ATP4A: variants seen among roughly 807,000 people sequenced by gnomAD.
ATP4A encodes the protein potassium-transporting ATPase alpha chain 1.
A neutral mutation model predicts 112.1 loss-of-function variants in ATP4A; 73 were observed. That is an observed-to-expected ratio of 0.65 (90% confidence interval 0.54 to 0.79). The LOEUF is 0.79. Ranked by LOEUF, ATP4A falls within the 30% of genes least tolerant of loss-of-function variation. The probability of loss-of-function intolerance (pLI) is 0.00; values close to 1 mark genes in which losing one functional copy is unlikely to be tolerated. For missense variants in ATP4A, 1,081 were observed against 1,425.9 expected (o/e 0.76, Z 3.90); for synonymous variants, 588 against 588.9 (o/e 1.00, Z 0.02).
Position 35,560,879 on chromosome 19 carries a change from G to T in ATP4A, c.474C>A (p.Gly158=). 1 of 1,614,040 alleles carries T rather than the reference G, an allele frequency of 6.2e-7. No homozygotes were observed. The highest frequency in any genetic ancestry group is 1.1e-5 in the South Asian group (1 of 91,072). Residue 158 remains glycine, a synonymous_variant, in exon 5 of 22, where the codon GGC becomes GGA. Coordinates refer to ENST00000262623, the MANE Select transcript of ATP4A (RefSeq NM_000704.3). The surrounding 1 kb of genome is among the most constrained non-coding windows in gnomAD (Gnocchi z 5.1). ...IAVVVVTGCF[G]YYQEFKSTNI... ...TGGTGCTCTTGAATTCCTGGTAGTA[G>T]CCAAAGCAGCCGGTGACGACAACCA...
Position 35,551,726 on chromosome 19 carries a change from A to C in ATP4A, c.2752-146T>G. The C allele has an allele frequency of 9.0e-7, 1 of 1,111,958 alleles. No homozygotes were observed. The allele number at this position is 1,111,958 out of a possible 1,614,324, so 68.9% of individuals were successfully genotyped here. A position where few individuals can be genotyped will look rare whatever the true frequency, so the allele number is the denominator to read the frequency against. ...GCATCAGAGTGTGGGGGTGGGGGGA[A>C]GGAGAGAGGCAGGGTCTGCCAGGTG... On this transcript the variant is annotated intron_variant, in intron 18 of 21. Coordinates refer to ENST00000262623, the MANE Select transcript of ATP4A (RefSeq NM_000704.3). The surrounding 1 kb of genome is among the most constrained non-coding windows in gnomAD (Gnocchi z 5.2).
chr19:35,553,650 G>C lies in ATP4A; in HGVS notation c.2605+56C>G, dbSNP rs890776266. 2.9e-5 allele frequency: 46 copies of C among 1,592,766 alleles called. No individual in the cohort carries two copies. In the African/African-American group the frequency reaches 5.6e-4, roughly 20 times the overall value. ...GCCCAAGGCAGGGCCTGGGGCAGGCGAGCAGCCCAGCGCAGAGCCCCCCAC... is the reference window on the plus strand; with the variant it reads ...GCCCAAGGCAGGGCCTGGGGCAGGCCAGCAGCCCAGCGCAGAGCCCCCCAC... On this transcript the variant is annotated intron_variant, in intron 17 of 21. Transcript: ENST00000262623.
rs372209900 is a variant in ATP4A at position 35,554,946 on chromosome 19, G to A, written c.2457C>T (p.Leu819=). 6.2e-7 allele frequency: 1 copy of A among 1,614,080 alleles called. No homozygotes were observed. Among genetic ancestry groups the A allele is most frequent in the East Asian group, 2.2e-5 (1 of 44,900 alleles). Reference sequence around the variant, plus strand: ...CAATGTCAGTGCAGAGTTCGATGAAGAGGATGGTGATGCACCCGAGGGGCA... The same window carrying A: ...CAATGTCAGTGCAGAGTTCGATGAAAAGGATGGTGATGCACCCGAGGGGCA... ...VPLPLGCITI[L]FIELCTDIFP... Residue 819 remains leucine, a synonymous_variant, in exon 16 of 22, where the codon CTC becomes CTT. Transcript: ENST00000262623.
At chr19:35,561,246 C>G (rs183771732) in intron 4 of ATP4A, among the ~76,000 whole-genome samples, 2 of 152,180 alleles carry the variant, frequency 1.3e-5, no homozygotes, top group East Asian at 3.9e-4. Flanking sequence ...CTTGGTCTGA[C>G]GTGTTCCCTT....
chr19:35,560,421 CG>C lies in ATP4A; in HGVS notation c.728del (p.Thr243SerfsTer28). The C allele has an allele frequency of 2.5e-6, 4 of 1,613,938 alleles. No individual in the cohort carries two copies. Among genetic ancestry groups the C allele is most frequent in the Non-Finnish European group, 2.5e-6 (3 of 1,180,008 alleles). On this transcript the variant is annotated frameshift_variant, in exon 6 of 22. Transcript: ENST00000262623. LOFTEE classifies it high-confidence loss of function. This position sits in a 1 kb window ranked among gnomAD's most constrained non-coding sequence, Gnocchi z 5.1. ...TGCGGGTCTCCAGAGGGCTCTCGTGCGTGCACTCGGGTGAGCGGGTCTGTGG... is the reference window on the plus strand; with the variant it reads ...TGCGGGTCTCCAGAGGGCTCTCGTGCTGCACTCGGGTGAGCGGGTCTGTGG... ...SEPQTRSPECTHESPLETRNI... is the reference protein window; with the variant it reads ...SEPQTRSPECXHESPLETRNI...
Position 35,550,779 on chromosome 19 carries a change from C to G in ATP4A, c.3079+55G>C. 1 of 1,610,200 alleles carries G rather than the reference C, an allele frequency of 6.2e-7. No individual in the cohort carries two copies. Among genetic ancestry groups the G allele is most frequent in the Non-Finnish European group, 8.5e-7 (1 of 1,176,582 alleles). ...AAGTGTTGAGGATCAAAGGTGGGTGCAGCTGCTCAAACGTTTCAGTCCCCT... is the reference window on the plus strand; with the variant it reads ...AAGTGTTGAGGATCAAAGGTGGGTGGAGCTGCTCAAACGTTTCAGTCCCCT... On this transcript the variant is annotated intron_variant, in intron 21 of 21. Coordinates refer to ENST00000262623, the MANE Select transcript of ATP4A (RefSeq NM_000704.3). The surrounding 1 kb of genome is among the most constrained non-coding windows in gnomAD (Gnocchi z 4.1).
Position 35,553,108 on chromosome 19 carries a change from A to G in ATP4A, c.2680T>C (p.Cys894Arg). The G allele has an allele frequency of 6.2e-7, 1 of 1,611,810 alleles. No homozygotes were observed. Among genetic ancestry groups the G allele is most frequent in the Non-Finnish European group, 8.5e-7 (1 of 1,178,098 alleles). ...TCCCACTGCGCCCGCAGCCCCACGCACAGCAGTGGGAACCAGCCCTCCTGG... is the reference window on the plus strand; with the variant it reads ...TCCCACTGCGCCCGCAGCCCCACGCGCAGCAGTGGGAACCAGCCCTCCTGG... ...MAQEGWFPLL[C>R]VGLRAQWEDH... The change falls in exon 18 of 22, where the codon TGC becomes CGC. Residue 894 changes from cysteine to arginine, a missense_variant. Physicochemically the swap from Cys to Arg is radical, Grantham distance 180 (BLOSUM62 -3). Transcript: ENST00000262623.
chr19:35,557,984 A>G lies in ATP4A; in HGVS notation c.1501-137T>C. The G allele has an allele frequency of 1.3e-6, 1 of 745,944 alleles. No individual in the cohort carries two copies. The highest frequency in any genetic ancestry group is 1.8e-5 in the African/African-American group (1 of 55,376). 46.2% of individuals were successfully genotyped at this position (745,944 alleles called of 1,614,324 possible). A position where few individuals can be genotyped will look rare whatever the true frequency, so the allele number is the denominator to read the frequency against. The stretch of plus-strand genomic sequence containing the variant: ...CTCTGAGAGCTGCGGGGAAGGGTGA[A>G]GGTGGAAGATGGAGGCCTTGTGTGG... On this transcript the variant is annotated intron_variant, in intron 10 of 21. Coordinates refer to ENST00000262623, the MANE Select transcript of ATP4A (RefSeq NM_000704.3). This position sits in a 1 kb window ranked among gnomAD's most constrained non-coding sequence, Gnocchi z 4.4.
chr19:35,550,906 G>T lies in ATP4A; in HGVS notation c.3007C>A (p.Pro1003Thr). Reference protein sequence around the residue: ...MPIRFQWWLVPLPYGILIFVY... With the variant: ...MPIRFQWWLVTLPYGILIFVY... ...AAGATGAGGATGCCGTAGGGCAGGGGGACCAGCCACCACTGGAACCTGAAG... is the reference window on the plus strand; with the variant it reads ...AAGATGAGGATGCCGTAGGGCAGGGTGACCAGCCACCACTGGAACCTGAAG... Residue 1003 changes from proline to threonine, a missense_variant, in exon 21 of 22, where the codon CCC (proline) becomes ACC (threonine). Pro to Thr is a conservative substitution (Grantham distance 38, BLOSUM62 -1). This residue lies in a region of ATP4A where 219 missense variants were observed against 320.9 expected (regional missense o/e 0.68). Coordinates refer to ENST00000262623, the MANE Select transcript of ATP4A (RefSeq NM_000704.3). The surrounding 1 kb of genome is among the most constrained non-coding windows in gnomAD (Gnocchi z 4.1). 2 of 1,614,186 alleles carry T rather than the reference G, an allele frequency of 1.2e-6. No individual in the cohort carries two copies. The highest frequency in any genetic ancestry group is 1.7e-6 in the Non-Finnish European group (2 of 1,180,018).
Position 35,559,662 on chromosome 19 carries a change from G to A in ATP4A, c.1056+143C>T, listed in dbSNP as rs2071655293. 2.2e-6 allele frequency: 3 copies of A among 1,344,092 alleles called. No homozygotes were observed. Among genetic ancestry groups the A allele is most frequent in the Non-Finnish European group, 3.0e-6 (3 of 1,000,210 alleles). 83.3% of individuals were successfully genotyped at this position (1,344,092 alleles called of 1,614,324 possible). On this transcript the variant is annotated intron_variant, in intron 7 of 21. Transcript: ENST00000262623. The surrounding 1 kb of genome is among the most constrained non-coding windows in gnomAD (Gnocchi z 4.1). ...GCCTCGGGAAGGACTTGCTGAATGA[G>A]TGGATGATGGGAAGGCAGGAGAATG...
In ATP4A at chr19:35,551,656, C is replaced by T. The variant is rs1208793093; in HGVS notation, c.2752-76G>A. The T allele has an allele frequency of 6.5e-7, 1 of 1,549,886 alleles. No homozygotes were observed. The highest frequency in any genetic ancestry group is 8.7e-7 in the Non-Finnish European group (1 of 1,144,294). ...CGGAGAGCCTCTGCAGCCCACCGGG[C>T]ATAGGGTCCCAGGGCCGTGAACCCC... On this transcript the variant is annotated intron_variant, in intron 18 of 21. Coordinates refer to ENST00000262623, the MANE Select transcript of ATP4A (RefSeq NM_000704.3). This position sits in a 1 kb window ranked among gnomAD's most constrained non-coding sequence, Gnocchi z 5.2.
rs775191254 is a variant in ATP4A at position 35,557,702 on chromosome 19, A to G, written c.1646T>C (p.Phe549Ser). ...TCCCAGGCTGAGGTAGGCGGTCTGGAAGGCCTCGCGCCACTGCTCGTCCAG... is the reference window on the plus strand; with the variant it reads ...TCCCAGGCTGAGGTAGGCGGTCTGGGAGGCCTCGCGCCACTGCTCGTCCAG... ...LPLDEQWREA[F>S]QTAYLSLGGL... The change falls in exon 11 of 22, where the codon TTC becomes TCC. Residue 549 changes from phenylalanine (F) to serine (S), a missense_variant. Coordinates refer to ENST00000262623, the MANE Select transcript of ATP4A (RefSeq NM_000704.3). This position sits in a 1 kb window ranked among gnomAD's most constrained non-coding sequence, Gnocchi z 4.4. The G allele has an allele frequency of 6.2e-7, 1 of 1,609,004 alleles. No homozygotes were observed. Among genetic ancestry groups the G allele is most frequent in the South Asian group, 1.1e-5 (1 of 90,314 alleles).
rs2071621880 is a variant in ATP4A, at chr19:35,554,970, C to T, written c.2433G>A (p.Leu811=). Residue 811 remains leucine (L), a synonymous_variant, in exon 16 of 22, where the codon CTG becomes CTA. Coordinates refer to ENST00000262623, the MANE Select transcript of ATP4A (RefSeq NM_000704.3). ...YLIYITVSVP[L]PLGCITILFI... ...AGAGGATGGTGATGCACCCGAGGGG[C>T]AGGGGCACGCTGACGGTGATGTAGA... The T allele has an allele frequency of 1.1e-5, 18 of 1,614,134 alleles. No individual in the cohort carries two copies. The highest frequency in any genetic ancestry group is 1.5e-5 in the Non-Finnish European group (18 of 1,180,014).
intron 3 of ATP4A, among the ~76,000 whole-genome samples, chr19:35,562,958 T>A (rs929406227): frequency 2.0e-5 from 3 of 151,530 alleles, no homozygotes; most frequent in Admixed American, 6.6e-5. Context: ...TCTCTAATGC[T>A]TTCTCCCTTC....
At chr19:35,562,347 C>T (rs2071675701) in intron 4 of ATP4A, 88 bp downstream of exon 4, 1 of 1,459,810 alleles carries the variant, frequency 6.9e-7, no homozygotes, top group East Asian at 2.4e-5. Context: ...CCCCATCCTT[C>T]TCTGCCCCTC....
chr19:35,556,637 G>A (rs1317669129), intron 12 of ATP4A, among the ~76,000 whole-genome samples: 2 of 152,200 alleles, frequency 1.3e-5, no homozygotes, highest in African/African-American at 4.8e-5. Context: ...TGCTGGAGCA[G>A]GGGTGTGTGT....
Position 35,557,626 on chromosome 19 carries a change from G to C in ATP4A, c.1693+29C>G. 6.3e-7 allele frequency: 1 copy of C among 1,583,620 alleles called. No individual in the cohort carries two copies. The stretch of plus-strand genomic sequence containing the variant: ...CTGTGCTAGCTCCTCCTCGCACCTG[G>C]AGTCTCCTCCCCTGCCCAGGGGTCT... On this transcript the variant is annotated intron_variant, in intron 11 of 21. Transcript: ENST00000262623. The surrounding 1 kb of genome is among the most constrained non-coding windows in gnomAD (Gnocchi z 4.4).
Position 35,555,923 on chromosome 19 carries a change from C to T in ATP4A, c.1870-111G>A, listed in dbSNP as rs1164660004. The T allele has an allele frequency of 9.7e-6, 14 of 1,443,074 alleles. No homozygotes were observed. Among genetic ancestry groups the T allele is most frequent in the African/African-American group, 1.4e-5 (1 of 71,130 alleles). The allele number at this position is 1,443,074 out of a possible 1,614,324, so 89.4% of individuals were successfully genotyped here. A position where few individuals can be genotyped will look rare whatever the true frequency, so the allele number is the denominator to read the frequency against. ...GTTCATTTACTTGACCAAGCGTGAC[C>T]ACCTCCTACGTGCCTGGGATATAGC... On this transcript the variant is annotated intron_variant, in intron 12 of 21. Transcript: ENST00000262623. This position sits in a 1 kb window ranked among gnomAD's most constrained non-coding sequence, Gnocchi z 6.6.
rs992593504 is a variant in ATP4A at position 35,554,903 on chromosome 19, C to A, written c.2481+19G>T. The A allele has an allele frequency of 2.5e-6, 4 of 1,613,754 alleles. No homozygotes were observed. Among genetic ancestry groups the A allele is most frequent in the African/African-American group, 2.7e-5 (2 of 74,888 alleles). The stretch of plus-strand genomic sequence containing the variant: ...TCTCTGGGCACCCTGTGGATGGGTA[C>A]CCTGGGCTGTGGACTTACAATGTCA... On this transcript the variant is annotated intron_variant, in intron 16 of 21. Transcript: ENST00000262623.
Sources: allele counts gnomAD v4.1 joint callset (sites outside exome capture counted in the v4.1 genomes callset), GRCh38; gene constraint gnomAD v4.1.1; regional missense constraint gnomAD v4.1.1; non-coding constraint Gnocchi (gnomAD v3.1); transcripts MANE v1.5; gene names NCBI Gene and HGNC (gene_info 2026-07-23, HGNC 2026-07-21).